FADS3: variants seen among roughly 807,000 people sequenced by gnomAD.
The protein encoded by FADS3 is cytochrome b5-related protein.
A neutral mutation model predicts 60.4 loss-of-function variants in FADS3; 30 were observed. The ratio of observed to expected loss-of-function variants is 0.50; its 90% CI spans 0.37 to 0.67. FADS3 has a LOEUF of 0.67. Among genes scored for constraint, FADS3 ranks in the 30% least tolerant of loss-of-function variants. FADS3 has a pLI of 0.00. For missense variants in FADS3, 432 were observed against 598.3 expected (o/e 0.72, Z 2.90); for synonymous variants, 234 against 249.3 (o/e 0.94, Z 0.58).
In FADS3 at chr11:61,876,922, T is replaced by A; in HGVS notation, c.927A>T (p.Leu309Phe). 2 of 1,610,030 alleles carry A rather than the reference T, an allele frequency of 1.2e-6. No individual in the cohort carries two copies. The highest frequency in any genetic ancestry group is 1.7e-6 in the Non-Finnish European group (2 of 1,178,812). Reference sequence around the variant, plus strand: ...GGACGCCGTAGAAGGGGAGGTAGGATAAGAAGAAGCGGGCATAGAAGCTGG... The same window carrying A: ...GGACGCCGTAGAAGGGGAGGTAGGAAAAGAAGAAGCGGGCATAGAAGCTGG... ...WAASFYARFF[L>F]SYLPFYGVPG... Residue 309 changes from leucine (L) to phenylalanine (F), a missense_variant, in exon 8 of 12, where the codon TTA becomes TTT. Around this residue, in one of 5 missense-constraint regions of FADS3, gnomAD observed 38 missense variants for 34.8 expected, o/e 1.09. Transcript: ENST00000278829. This position sits in a 1 kb window ranked among gnomAD's most constrained non-coding sequence, Gnocchi z 5.7.
rs866936949 is a variant in FADS3 at position 61,891,210 on chromosome 11, C to T, written c.172G>A (p.Gly58Ser). ...ISRWAQRHPGGSRLIGHHGAE... is the reference protein window; with the variant it reads ...ISRWAQRHPGSSRLIGHHGAE... ...CCGTGGTGGCCGATGAGGCGGCTGC[C>T]CCCTGGGTGCCGCTGTGCCCAGCGG... The change falls in exon 1 of 12, where the codon GGC (glycine) becomes AGC (serine). Residue 58 changes from glycine (G) to serine (S), a missense_variant. This residue lies in a region of FADS3 where 167 missense variants were observed against 188.8 expected (regional missense o/e 0.88). Coordinates refer to ENST00000278829, the MANE Select transcript of FADS3 (RefSeq NM_021727.5). 6.4e-7 allele frequency: 1 copy of T among 1,558,416 alleles called. No individual in the cohort carries two copies. The highest frequency in any genetic ancestry group is 1.2e-5 in the South Asian group (1 of 84,948).
At position 61,876,379 on chromosome 11, in the gene FADS3, G is replaced by A. The variant is rs1012929824; in HGVS notation, c.1060C>T (p.Arg354Trp). ...IPKEIGHEKHRDWVSSQLAAT... is the reference protein window; with the variant it reads ...IPKEIGHEKHWDWVSSQLAAT... Reference sequence around the variant, plus strand: ...CCCACCTGAGAGCTGACCCAGTCCCGGTGCTTCTCGTGGCCGATCTCCTTG... The same window carrying A: ...CCCACCTGAGAGCTGACCCAGTCCCAGTGCTTCTCGTGGCCGATCTCCTTG... The change falls in exon 9 of 12, where the codon CGG becomes TGG. Residue 354 changes from arginine (R) to tryptophan (W), a missense_variant. This residue lies in a region of FADS3 where 48 missense variants were observed against 101.3 expected (regional missense o/e 0.47). Coordinates refer to ENST00000278829, the MANE Select transcript of FADS3 (RefSeq NM_021727.5). The surrounding 1 kb of genome is among the most constrained non-coding windows in gnomAD (Gnocchi z 5.7). The A allele has an allele frequency of 3.1e-6, 5 of 1,611,808 alleles. No individual in the cohort carries two copies. The highest frequency in any genetic ancestry group is 1.1e-5 in the South Asian group (1 of 91,022).
intron 1 of FADS3, among the ~76,000 whole-genome samples, chr11:61,887,078 A>C (rs1938342743): frequency 6.6e-6 from 1 of 152,250 alleles, no homozygotes; most frequent in Non-Finnish European, 1.5e-5. Flanking sequence ...GCCCATGGTA[A>C]CCAGGCACCC....
chr11:61,884,088 T>C (rs1938228690), intron 1 of FADS3, among the ~76,000 whole-genome samples: 1 of 152,196 alleles, frequency 6.6e-6, no homozygotes, highest in African/African-American at 2.4e-5. Context: ...TGGAACTGGC[T>C]GAGGTCATGT....
In FADS3 at chr11:61,879,594, G is replaced by A. The variant is rs539209478; in HGVS notation, c.325-85C>T. 123 of 1,335,418 alleles carry A rather than the reference G, an allele frequency of 9.2e-5. 1 individual carries two copies. Among genetic ancestry groups the A allele is most frequent in the Middle Eastern group, 2.3e-4 (1 of 4,416 alleles). The allele number at this position is 1,335,418 out of a possible 1,614,324, so 82.7% of individuals were successfully genotyped here. A position where few individuals can be genotyped will look rare whatever the true frequency, so the allele number is the denominator to read the frequency against. The stretch of plus-strand genomic sequence containing the variant: ...TGGAGCCCCAGCCGCTCCTCCCATC[G>A]CCAGGCCCAAGGGGTGTGGGCAAAG... On this transcript the variant is annotated intron_variant, in intron 2 of 11. Coordinates refer to ENST00000278829, the MANE Select transcript of FADS3 (RefSeq NM_021727.5).
chr11:61,877,320 A>G lies in FADS3; in HGVS notation c.885+191T>C. On this transcript the variant is annotated intron_variant, in intron 7 of 11. Transcript: ENST00000278829. This position sits in a 1 kb window ranked among gnomAD's most constrained non-coding sequence, Gnocchi z 4.7. ...TCCTCAACCCCCCCCCACCACACGT[A>G]CAGTCACGGGCACACTCGCTCTCCT... 4.1e-6 allele frequency: 1 copy of G among 245,982 alleles called. No individual in the cohort carries two copies. Among genetic ancestry groups the G allele is most frequent in the Non-Finnish European group, 7.6e-6 (1 of 132,038 alleles). 15.2% of individuals were successfully genotyped at this position (245,982 alleles called of 1,614,324 possible).
chr11:61,888,337 C>T (rs947463872), intron 1 of FADS3, among the ~76,000 whole-genome samples: 3 of 152,234 alleles, frequency 2.0e-5, no homozygotes, highest in African/African-American at 7.2e-5. Flanking sequence ...GCCCCACCTC[C>T]ACCTGAGGCC....
In FADS3 at chr11:61,873,804, G is replaced by T. The variant is rs1310066629; in HGVS notation, c.*10C>A. On this transcript the variant is annotated 3_prime_UTR_variant, in exon 12 of 12. Transcript: ENST00000278829. ...CCCTGAGCCCTTCTCTGCCCGCCTGGGTGTTGCCTTCACTGATGGAGGTAG... is the reference window on the plus strand; with the variant it reads ...CCCTGAGCCCTTCTCTGCCCGCCTGTGTGTTGCCTTCACTGATGGAGGTAG... 3.1e-6 allele frequency: 5 copies of T among 1,609,770 alleles called. No individual in the cohort carries two copies. The highest frequency in any genetic ancestry group is 3.4e-5 in the Admixed American group (2 of 59,676).
At chr11:61,885,911 C>T (rs1007267433) in intron 1 of FADS3, among the ~76,000 whole-genome samples, 1 of 152,174 alleles carries the variant, frequency 6.6e-6, no homozygotes, top group Non-Finnish European at 1.5e-5. Flanking sequence ...ACACCATGCT[C>T]CGTCCCATCC....
intron 11 of FADS3, among the ~76,000 whole-genome samples, chr11:61,875,324 A>G (rs1449934398): frequency 6.7e-6 from 1 of 150,240 alleles, no homozygotes; most frequent in East Asian, 2.0e-4. Flanking sequence ...CTCCTCCCTC[A>G]GCCTCCCAAG....
chr11:61,885,495 T>C (rs1938283923), intron 1 of FADS3, among the ~76,000 whole-genome samples: 1 of 152,174 alleles, frequency 6.6e-6, no homozygotes, highest in South Asian at 2.1e-4. Flanking sequence ...AGCCTCCTCC[T>C]GAGAGTCCAC....
rs1252408736 is a variant in FADS3, at chr11:61,879,523, G to C, written c.325-14C>G. On this transcript the variant is annotated splice_polypyrimidine_tract_variant and intron_variant, in intron 2 of 11. Coordinates refer to ENST00000278829, the MANE Select transcript of FADS3 (RefSeq NM_021727.5). Reference sequence around the variant, plus strand: ...GACCAGCTGCGCCTGCCATAGCAGAGGGGCCGATCAGCCAAGGAAGAAATT... The same window carrying C: ...GACCAGCTGCGCCTGCCATAGCAGACGGGCCGATCAGCCAAGGAAGAAATT... 6.3e-7 allele frequency: 1 copy of C among 1,585,308 alleles called. No homozygotes were observed. Among genetic ancestry groups the C allele is most frequent in the East Asian group, 2.3e-5 (1 of 43,916 alleles).
intron 11 of FADS3, among the ~76,000 whole-genome samples, chr11:61,874,848 G>A (rs1271405042): frequency 6.6e-6 from 1 of 151,946 alleles, no homozygotes; most frequent in Non-Finnish European, 1.5e-5. Context: ...CACCCTGAGG[G>A]GCTTTTCATT....
rs780438558 is a variant in FADS3, at chr11:61,880,142, G to A, written c.223C>T (p.Arg75Cys). 82 of 1,613,788 alleles carry A rather than the reference G, an allele frequency of 5.1e-5. No homozygotes were observed. The highest frequency in any genetic ancestry group is 6.5e-5 in the Non-Finnish European group (77 of 1,179,844). The change falls in exon 2 of 12, where the codon CGT becomes TGT. Residue 75 changes from arginine (R) to cysteine (C), a missense_variant. Physicochemically the swap from Arg to Cys is radical, Grantham distance 180. Transcript: ENST00000278829. ...AAATTGAGATCTTGATGGAAGGCAC[G>A]GAAGGCATCCTGAAGGAGAGCAGAC... The part of the protein sequence containing the change: ...HGAEDATDAF[R>C]AFHQDLNFVR...
At chr11:61,887,689 A>G (rs1221519020) in intron 1 of FADS3, among the ~76,000 whole-genome samples, 1 of 152,180 alleles carries the variant, frequency 6.6e-6, no homozygotes, top group Non-Finnish European at 1.5e-5. Context: ...TCCCTGTAGA[A>G]GTTTTGCTCA....
chr11:61,881,384 C>T (rs1420105164), intron 1 of FADS3: 1 of 152,196 alleles, frequency 6.6e-6, no homozygotes, highest in Non-Finnish European at 1.5e-5. Flanking sequence ...ACTTAGCCTT[C>T]CAGGTCTGCC....
At chr11:61,878,272 G>GTGACCTTGCCC in intron 5 of FADS3, 57 bp from the exon 6 acceptor site, 1 of 1,576,700 alleles carries the variant, frequency 6.3e-7, no homozygotes, top group Non-Finnish European at 8.7e-7. Context: ...TCCTTCTCCC[G>GTGACCTTGCCC]GGCAAGGTCA....
rs555474431 is a variant in FADS3, at chr11:61,887,385, C to G, written c.213+3784G>C. Reference sequence around the variant, plus strand: ...GGTCTCCATCCTCCCTTCTCTTACCCTTCTGGAAGGCTCTGCCTTCACTCT... The same window carrying G: ...GGTCTCCATCCTCCCTTCTCTTACCGTTCTGGAAGGCTCTGCCTTCACTCT... On this transcript the variant is annotated intron_variant, in intron 1 of 11. Coordinates refer to ENST00000278829, the MANE Select transcript of FADS3 (RefSeq NM_021727.5). Among the ~76,000 whole-genome samples the G allele has an allele frequency of 1.5e-4, 23 of 152,304 alleles. No individual in the cohort carries two copies. In the South Asian group the frequency reaches 4.8e-3, roughly 32 times the overall value.
Position 61,891,205 on chromosome 11 carries a change from G to A in FADS3, c.177C>T (p.Ser59=). The change falls in exon 1 of 12, where the codon AGC becomes AGT. Residue 59 remains serine, a synonymous_variant. Coordinates refer to ENST00000278829, the MANE Select transcript of FADS3 (RefSeq NM_021727.5). ...CAGCGCCGTGGTGGCCGATGAGGCG[G>A]CTGCCCCCTGGGTGCCGCTGTGCCC... The part of the protein sequence containing the change: ...SRWAQRHPGG[S]RLIGHHGAED... 6.4e-7 allele frequency: 1 copy of A among 1,561,128 alleles called. No homozygotes were observed.
Sources: allele counts gnomAD v4.1 joint callset (sites outside exome capture counted in the v4.1 genomes callset), GRCh38; gene constraint gnomAD v4.1.1; regional missense constraint gnomAD v4.1.1; non-coding constraint Gnocchi (gnomAD v3.1); transcripts MANE v1.5; gene names NCBI Gene and HGNC (gene_info 2026-07-23, HGNC 2026-07-21).